ANO3: variants seen among roughly 807,000 people sequenced by gnomAD.
ANO3 encodes anoctamin 3.
In ANO3, 99 loss-of-function variants were observed where a neutral mutation model predicts 144.8. The observed-to-expected ratio is 0.68, with a 90% CI of 0.58 to 0.81. ANO3 has a LOEUF of 0.81. Ranked by LOEUF, ANO3 falls within the 30% of genes least tolerant of loss-of-function variation. The pLI, the probability that ANO3 is intolerant of heterozygous loss-of-function variation, is 0.00. For synonymous variants in ANO3, 414 were observed against 392.6 expected (o/e 1.05, Z -0.64); for missense variants, 905 against 1,202.2 (o/e 0.75, Z 3.66).
chr11:26,246,669 A>C (rs1852803508), intron 1 of ANO3, among the ~76,000 whole-genome samples: 1 of 148,106 alleles, frequency 6.8e-6, no homozygotes. Context: ...CCTACCCAAA[A>C]CTCATCTTCA....
At chr11:26,245,695 G>A (rs116968508) in intron 1 of ANO3, among the ~76,000 whole-genome samples, 2 of 152,150 alleles carry the variant, frequency 1.3e-5, no homozygotes, top group Admixed American at 1.3e-4. Context: ...AGGATAAATG[G>A]CATGCAAATT....
chr11:26,474,895 C>T (rs570831301), intron 4 of ANO3, among the ~76,000 whole-genome samples: 2 of 151,890 alleles, frequency 1.3e-5, no homozygotes, highest in African/African-American at 4.8e-5. Context: ...AAAAGTTCTA[C>T]TCAAATGTAT....
At chr11:26,616,173 A>G (rs1004428108) in intron 17 of ANO3, among the ~76,000 whole-genome samples, 3 of 152,172 alleles carry the variant, frequency 2.0e-5, no homozygotes, top group African/African-American at 7.2e-5. Context: ...TTGATATTAT[A>G]AAAAGTAGTG....
At chr11:26,576,089 G>A (rs576225598) in intron 14 of ANO3, among the ~76,000 whole-genome samples, 1 of 152,250 alleles carries the variant, frequency 6.6e-6, no homozygotes, top group South Asian at 2.1e-4. Flanking sequence ...TCTGTCTCTG[G>A]CTAGATTCTC....
intron 13 of ANO3, chr11:26,559,093 CATT>C (rs1214184166): frequency 6.6e-6 from 1 of 152,098 alleles, no homozygotes; most frequent in Non-Finnish European, 1.5e-5. Flanking sequence ...GATTCAATAA[CATT>C]ATAAAACTAT....
At chr11:26,499,564 A>C (rs1342692966) in intron 4 of ANO3, among the ~76,000 whole-genome samples, 1 of 151,574 alleles carries the variant, frequency 6.6e-6, no homozygotes, top group Non-Finnish European at 1.5e-5. Context: ...TATCCATGAA[A>C]ATTTTATGGA....
chr11:26,281,115 C>G (rs1221813290), intron 1 of ANO3, among the ~76,000 whole-genome samples: 2 of 152,024 alleles, frequency 1.3e-5, no homozygotes, highest in Non-Finnish European at 2.9e-5. Flanking sequence ...TGTTATAACC[C>G]TGTGAAATAA....
At chr11:26,606,618 T>C (rs1286100381) in intron 17 of ANO3, among the ~76,000 whole-genome samples, 1 of 151,890 alleles carries the variant, frequency 6.6e-6, no homozygotes, top group African/African-American at 2.4e-5. Context: ...GGCTATTTGC[T>C]TGGTAAATTT....
intron 14 of ANO3, among the ~76,000 whole-genome samples, chr11:26,574,154 G>A (rs1246593763): frequency 6.6e-6 from 1 of 152,050 alleles, no homozygotes; most frequent in Non-Finnish European, 1.5e-5. Context: ...CTTTCATCTG[G>A]CACTCACCAA....
chr11:26,546,411 G>C (rs1849789706), intron 11 of ANO3, among the ~76,000 whole-genome samples: 1 of 151,930 alleles, frequency 6.6e-6, no homozygotes, highest in Non-Finnish European at 1.5e-5. Flanking sequence ...ATAGTTTTCA[G>C]AGAAGAGAAG....
chr11:26,450,876 T>G (rs1331422189), intron 3 of ANO3, among the ~76,000 whole-genome samples: 1 of 152,200 alleles, frequency 6.6e-6, no homozygotes, highest in Non-Finnish European at 1.5e-5. Flanking sequence ...GAAGAATGAC[T>G]GAGCTGGAAT....
chr11:26,476,030 T>A (rs1485619950), intron 4 of ANO3, among the ~76,000 whole-genome samples: 1 of 152,090 alleles, frequency 6.6e-6, no homozygotes, highest in African/African-American at 2.4e-5. Context: ...ATTTGCATTT[T>A]TAAGTTTCCA....
chr11:26,563,807 A>C (rs1850400392), intron 14 of ANO3, among the ~76,000 whole-genome samples: 3 of 151,882 alleles, frequency 2.0e-5, no homozygotes, highest in African/African-American at 7.2e-5. Context: ...AGGCAAGATA[A>C]CTTCAGTGCC....
chr11:26,638,837 A>G (rs1853052217), intron 20 of ANO3, among the ~76,000 whole-genome samples: 1 of 152,224 alleles, frequency 6.6e-6, no homozygotes, highest in African/African-American at 2.4e-5. Flanking sequence ...TAATGGATAT[A>G]TAATATTCCA....
chr11:26,580,710 C>A (rs941311880), intron 14 of ANO3, among the ~76,000 whole-genome samples: 1 of 152,150 alleles, frequency 6.6e-6, no homozygotes, highest in Non-Finnish European at 1.5e-5. Flanking sequence ...ATATAGTGTT[C>A]TCTTAAAAGA....
intron 4 of ANO3, among the ~76,000 whole-genome samples, chr11:26,498,761 A>G (rs1035849843): frequency 2.6e-5 from 4 of 151,746 alleles, no homozygotes; most frequent in Admixed American, 2.6e-4. Context: ...ACGAACTAGT[A>G]TTCTGCTTTT....
At chr11:26,353,121 T>C (rs1158081169) in intron 1 of ANO3, among the ~76,000 whole-genome samples, 2 of 152,206 alleles carry the variant, frequency 1.3e-5, no homozygotes, top group Non-Finnish European at 2.9e-5. Context: ...GTTTCTTTAA[T>C]CACGAGGTGG....
chr11:26,368,760 C>T (rs7946083), intron 1 of ANO3, among the ~76,000 whole-genome samples: 40,572 of 151,586 alleles, frequency 0.27, 6,095 homozygotes, highest in African/African-American at 0.41. Flanking sequence ...ATACATCAAT[C>T]GCTAAAAGTT....
intron 6 of ANO3, among the ~76,000 whole-genome samples, chr11:26,521,631 G>A (rs1157739617): frequency 6.6e-6 from 1 of 152,016 alleles, no homozygotes. Flanking sequence ...TCTAGTTTTT[G>A]TCATATCAGG....
Sources: gnomAD v4.1 joint callset for allele counts (sites outside exome capture counted in the v4.1 genomes callset) on GRCh38, gnomAD v4.1.1 for gene constraint, MANE v1.5 for transcripts, NCBI Gene and HGNC (gene_info 2026-07-23, HGNC 2026-07-21) for gene names.